Variants in DNER observed in about 807,000 individuals in gnomAD.
DNER encodes the protein delta and Notch-like epidermal growth factor-related receptor.
A neutral mutation model predicts 78.2 loss-of-function variants in DNER; 33 were observed. That is an observed-to-expected ratio of 0.42 (90% CI 0.32 to 0.56). The LOEUF (loss-of-function observed/expected upper bound fraction) is 0.56, where lower values mean the gene tolerates loss of function less well. Ranked by LOEUF, DNER falls within the 20% of genes least tolerant of loss-of-function variation. The pLI is 0.11. For missense variants in DNER, 918 were observed against 975.3 expected, an observed-to-expected ratio of 0.94 and a Z score of 0.78; for synonymous variants, 417 against 384.8, an observed-to-expected ratio of 1.08 and a Z score of -0.98.
chr2:229,379,883 C>A (rs1265595754), intron 11 of DNER, among the ~76,000 whole-genome samples: 1 of 152,164 alleles, frequency 6.6e-6, no homozygotes, highest in African/African-American at 2.4e-5. Flanking sequence ...CCATTGAAAT[C>A]CTTTTCAGTC....
chr2:229,623,052 C>A (rs72991684), intron 1 of DNER, among the ~76,000 whole-genome samples: 3,263 of 152,262 alleles, frequency 0.021, 45 homozygotes, highest in Middle Eastern at 0.034. Flanking sequence ...ACTCCTCCAC[C>A]CTAGGTCTTT....
intron 1 of DNER, among the ~76,000 whole-genome samples, chr2:229,666,499 T>C (rs1259515032): frequency 1.3e-5 from 2 of 152,214 alleles, no homozygotes; most frequent in Non-Finnish European, 2.9e-5. Context: ...GCTCTGAGCT[T>C]CACAGCAACC....
At chr2:229,702,452 C>T (rs1314337303) in intron 1 of DNER, among the ~76,000 whole-genome samples, 3 of 150,438 alleles carry the variant, frequency 2.0e-5, no homozygotes, top group African/African-American at 7.3e-5. Flanking sequence ...AGGAGGATCA[C>T]TTGAGCCATA....
At chr2:229,557,325 T>C (rs150955358) in intron 4 of DNER, among the ~76,000 whole-genome samples, 34 of 152,354 alleles carry the variant, frequency 2.2e-4, no homozygotes, top group African/African-American at 7.7e-4. Context: ...GAAGTCAATG[T>C]ACATAGCATA....
chr2:229,572,618 G>C (rs976042447), intron 4 of DNER, among the ~76,000 whole-genome samples: 2 of 152,168 alleles, frequency 1.3e-5, no homozygotes, highest in African/African-American at 4.8e-5. Context: ...GAAAGGAAAG[G>C]AAAGCCTCAA....
At chr2:229,375,598 G>A (rs1692579952) in intron 11 of DNER, among the ~76,000 whole-genome samples, 1 of 152,116 alleles carries the variant, frequency 6.6e-6, no homozygotes, top group South Asian at 2.1e-4. Flanking sequence ...CTTCCAAGGG[G>A]AAAAGTTCTA....
chr2:229,400,052 A>G (rs1057284085), intron 10 of DNER, among the ~76,000 whole-genome samples: 13 of 152,064 alleles, frequency 8.5e-5, no homozygotes, highest in African/African-American at 2.9e-4. Context: ...CCACAAGGGT[A>G]TAAGTTAACA....
chr2:229,681,643 C>G (rs1448230604), intron 1 of DNER, among the ~76,000 whole-genome samples: 1 of 152,148 alleles, frequency 6.6e-6, no homozygotes, highest in African/African-American at 2.4e-5. Context: ...ACCTCAGTCC[C>G]TGAGTCGTGG....
intron 6 of DNER, among the ~76,000 whole-genome samples, chr2:229,489,890 T>C (rs573380466): frequency 1.4e-4 from 22 of 152,236 alleles, no homozygotes; most frequent in Non-Finnish European, 2.8e-4. Context: ...AGCACTCTTA[T>C]GATACAGAGA....
chr2:229,405,812 A>AT (rs529760394), intron 10 of DNER, among the ~76,000 whole-genome samples: 6 of 151,882 alleles, frequency 4.0e-5, no homozygotes, highest in Admixed American at 1.3e-4. Context: ...CAGTGGTGGG[A>AT]TTTTTTTTCC....
At chr2:229,502,287 G>A (rs145546123) in intron 6 of DNER, among the ~76,000 whole-genome samples, 15 of 152,250 alleles carry the variant, frequency 9.9e-5, no homozygotes, top group African/African-American at 3.1e-4. Context: ...AGATATCTAC[G>A]GGTGCTCCCT....
rs112902419 is a variant in DNER at position 229,523,590 on chromosome 2, A to C, written c.994-10654T>G. Among the ~76,000 whole-genome samples, 6 of 152,248 alleles carry C rather than the reference A, an allele frequency of 3.9e-5. 1 individual carries two copies. Among genetic ancestry groups the C allele is most frequent in the African/African-American group, 1.4e-4 (6 of 41,544 alleles). On this transcript the variant is annotated intron_variant, in intron 5 of 12. Transcript: ENST00000341772. ...TTTACCTCTTTAAAGAGCCTACCTAAATACAGTCACACTCTTAGTACCGCA... is the reference window on the plus strand; with the variant it reads ...TTTACCTCTTTAAAGAGCCTACCTACATACAGTCACACTCTTAGTACCGCA...
intron 1 of DNER, among the ~76,000 whole-genome samples, chr2:229,629,085 C>G (rs976843116): frequency 2.0e-5 from 3 of 152,190 alleles, no homozygotes; most frequent in Admixed American, 1.3e-4. Flanking sequence ...TGATTAGACT[C>G]TGAATCTCAG....
intron 8 of DNER, among the ~76,000 whole-genome samples, chr2:229,428,047 C>A (rs562111223): frequency 6.9e-6 from 1 of 145,964 alleles, no homozygotes; most frequent in South Asian, 2.2e-4. Flanking sequence ...TGCATTCTAG[C>A]CTGGGTGACA....
chr2:229,495,694 A>AT (rs750425316), intron 6 of DNER, among the ~76,000 whole-genome samples: 14 of 152,258 alleles, frequency 9.2e-5, no homozygotes, highest in Non-Finnish European at 1.6e-4. Context: ...AGACATCCTC[A>AT]TAGACACACC....
chr2:229,502,631 C>T (rs898565946), intron 6 of DNER, among the ~76,000 whole-genome samples: 5 of 151,852 alleles, frequency 3.3e-5, no homozygotes, highest in Non-Finnish European at 5.9e-5. Context: ...AGTGCCATAA[C>T]AAAAACAAAA....
intron 1 of DNER, among the ~76,000 whole-genome samples, chr2:229,700,966 G>A (rs1699737291): frequency 6.6e-6 from 1 of 152,062 alleles, no homozygotes; most frequent in African/African-American, 2.4e-5. Flanking sequence ...TTACGTATAG[G>A]TTGAGTTAGC....
chr2:229,640,104 A>G (rs994731295), intron 1 of DNER, among the ~76,000 whole-genome samples: 1 of 152,252 alleles, frequency 6.6e-6, no homozygotes, highest in Non-Finnish European at 1.5e-5. Context: ...TTGCTACTGC[A>G]CCACTGAAAT....
At chr2:229,497,780 GA>G (rs1695528901) in intron 6 of DNER, among the ~76,000 whole-genome samples, 1 of 152,060 alleles carries the variant, frequency 6.6e-6, no homozygotes, top group South Asian at 2.1e-4. Flanking sequence ...TAGAAAATGT[GA>G]ACAGACCAAG....
Sources: allele counts gnomAD v4.1 joint callset (sites outside exome capture counted in the v4.1 genomes callset), GRCh38; gene constraint gnomAD v4.1.1; transcripts MANE v1.5; gene names NCBI Gene and HGNC (gene_info 2026-07-23, HGNC 2026-07-21).